NHSL1: variants seen among roughly 807,000 people sequenced by gnomAD.
NHSL1 encodes NHS like 1, also known as NHS-like protein 1.
Under a neutral mutation model 95.0 loss-of-function variants are expected in NHSL1, and 48 were observed. The observed-to-expected ratio is 0.51, with a 90% confidence interval of 0.40 to 0.64. The LOEUF (loss-of-function observed/expected upper bound fraction) is 0.64, where lower values mean the gene tolerates loss of function less well. Ranked by LOEUF, NHSL1 falls within the 30% of genes least tolerant of loss-of-function variation. The pLI is 0.00. For synonymous variants in NHSL1, 783 were observed against 833.9 expected (o/e 0.94, Z 1.05); for missense variants, 1,971 against 2,077.7 (o/e 0.95, Z 1.00).
chr6:138,647,946 T>C (rs1457713032), intron 1 of NHSL1, among the ~76,000 whole-genome samples: 3 of 152,184 alleles, frequency 2.0e-5, no homozygotes, highest in Non-Finnish European at 4.4e-5. Context: ...GTTTAAATTG[T>C]TGCCAAATTT....
chr6:138,545,640 C>G (rs1178881556), exon 1 of NHSL1: 1 of 1,289,266 alleles, frequency 7.8e-7, no homozygotes, highest in African/African-American at 1.5e-5. Context: ...ACAGAACATT[C>G]TGCAGCAGTT....
At chr6:138,512,100 T>C (rs1205544811) in intron 1 of NHSL1, among the ~76,000 whole-genome samples, 1 of 152,232 alleles carries the variant, frequency 6.6e-6, no homozygotes, top group Non-Finnish European at 1.5e-5. Context: ...CAAGTTTAAA[T>C]AAAGCTGCCA....
Position 138,431,234 on chromosome 6 carries a change from A to G in NHSL1, c.3111T>C (p.Pro1037=). 1 of 1,521,978 alleles carries G rather than the reference A, an allele frequency of 6.6e-7. No homozygotes were observed. The allele number at this position is 1,521,978 out of a possible 1,614,324, so 94.3% of individuals were successfully genotyped here. Residue 1037 remains proline, a synonymous_variant, in exon 6 of 8, where the codon CCT becomes CCC. Transcript: ENST00000343505. This position sits in a 1 kb window ranked among gnomAD's most constrained non-coding sequence, Gnocchi z 4.0. ...ATTCTGGCTGGCCAGAATTTGTGAAAGGCGGCCTGGTGTCTTTCATGAATT... is the reference window on the plus strand; with the variant it reads ...ATTCTGGCTGGCCAGAATTTGTGAAGGGCGGCCTGGTGTCTTTCATGAATT... ...DPKFMKDTRP[P]FTNSGQPESS...
chr6:138,611,236 A>G (rs1784508498), intron 1 of NHSL1, among the ~76,000 whole-genome samples: 1 of 152,224 alleles, frequency 6.6e-6, no homozygotes, highest in Admixed American at 6.5e-5. Flanking sequence ...ATAAATAGCA[A>G]TCAACAGGCA....
chr6:138,515,947 C>T (rs1781441767), intron 1 of NHSL1, among the ~76,000 whole-genome samples: 1 of 152,222 alleles, frequency 6.6e-6, no homozygotes. Context: ...CTCTCACAGT[C>T]CCAGGCAAGT....
chr6:138,635,181 G>A (rs566471762), intron 1 of NHSL1, among the ~76,000 whole-genome samples: 2 of 151,190 alleles, frequency 1.3e-5, no homozygotes, highest in African/African-American at 4.8e-5. Context: ...AATAATAAAA[G>A]ATCAGAGCAG....
In NHSL1 at chr6:138,681,865, C is replaced by A. The variant is rs139243297; in HGVS notation, c.96+10611G>T. ...AGCCCTCTGCATATTACTGATAACA[C>A]CTTTAACAATTTTTAATCATAACAG... On this transcript the variant is annotated intron_variant, in intron 1 of 3. Transcript: ENST00000491526. Among the ~76,000 whole-genome samples the A allele has an allele frequency of 7.2e-5, 11 of 152,170 alleles. No homozygotes were observed. In the East Asian group the frequency reaches 2.1e-3, roughly 29 times the overall value.
chr6:138,607,739 G>A (rs1361041657), intron 1 of NHSL1, among the ~76,000 whole-genome samples: 1 of 152,156 alleles, frequency 6.6e-6, no homozygotes, highest in East Asian at 1.9e-4. Context: ...TTCCCATGAG[G>A]CTTTGAAGTT....
chr6:138,505,819 T>A (rs756399614), intron 1 of NHSL1, among the ~76,000 whole-genome samples: 3 of 152,280 alleles, frequency 2.0e-5, no homozygotes, highest in Middle Eastern at 3.4e-3. Flanking sequence ...GGAATTTAGC[T>A]CTTCAAACAG....
rs981668354 is a variant in NHSL1, at chr6:138,423,089, C to A, written c.*992G>T. ...AAATTGCCTAATGGAAGTTTAAACTCTGGTTAAAAAAAAAAAAAAAAAAAA... is the reference window on the plus strand; with the variant it reads ...AAATTGCCTAATGGAAGTTTAAACTATGGTTAAAAAAAAAAAAAAAAAAAA... On this transcript the variant is annotated 3_prime_UTR_variant, in exon 8 of 8. Transcript: ENST00000343505. 1 of 78,896 alleles carries A rather than the reference C, an allele frequency of 1.3e-5. No homozygotes were observed. The allele number at this position is 78,896 out of a possible 1,614,324, so 4.9% of individuals were successfully genotyped here.
intron 2 of NHSL1, among the ~76,000 whole-genome samples, chr6:138,476,047 G>A (rs907055141): frequency 5.3e-5 from 8 of 152,178 alleles, no homozygotes; most frequent in Non-Finnish European, 1.5e-5. Flanking sequence ...CCATTGGTGG[G>A]AATGTATATT....
chr6:138,588,435 C>G (rs1784173696), intron 1 of NHSL1, among the ~76,000 whole-genome samples: 1 of 152,192 alleles, frequency 6.6e-6, no homozygotes, highest in Admixed American at 6.5e-5. Flanking sequence ...GCTCTCCAGT[C>G]TGGGTGACAG....
intron 1 of NHSL1, among the ~76,000 whole-genome samples, chr6:138,598,627 G>GAAAAA (rs35482505): frequency 1.3e-4 from 11 of 86,764 alleles, no homozygotes; most frequent in Non-Finnish European, 1.7e-4. Context: ...TCATCTGGAA[G>GAAAAA]AAAAAAAAAA....
intron 1 of NHSL1, among the ~76,000 whole-genome samples, chr6:138,684,595 A>C (rs1785558830): frequency 6.6e-6 from 1 of 152,172 alleles, no homozygotes; most frequent in Admixed American, 6.5e-5. Context: ...CAGTGAGCCA[A>C]GATCGCGCCA....
chr6:138,520,878 T>G (rs1416125150), intron 1 of NHSL1, among the ~76,000 whole-genome samples: 1 of 152,046 alleles, frequency 6.6e-6, no homozygotes, highest in Non-Finnish European at 1.5e-5. Context: ...CTGTTAGAAA[T>G]GAGACAAATG....
intron 1 of NHSL1, among the ~76,000 whole-genome samples, chr6:138,551,061 G>C (rs533399115): frequency 3.2e-4 from 48 of 152,324 alleles, no homozygotes; most frequent in African/African-American, 8.2e-4. Context: ...CAGAGGGAAA[G>C]AGACCACATT....
intron 1 of NHSL1, among the ~76,000 whole-genome samples, chr6:138,609,749 C>CAAAA (rs10687521): frequency 0.044 from 4,695 of 106,062 alleles, 222 homozygotes; most frequent in East Asian, 0.07. Context: ...GACTCTGTCT[C>CAAAA]AAAAAAAAAA....
At chr6:138,610,509 C>T (rs964088257) in intron 1 of NHSL1, among the ~76,000 whole-genome samples, 10 of 149,096 alleles carry the variant, frequency 6.7e-5, no homozygotes, top group Non-Finnish European at 3.0e-5. Flanking sequence ...CTGCACGTTG[C>T]GCACATGTAC....
At chr6:138,520,864 A>C (rs1781650407) in intron 1 of NHSL1, among the ~76,000 whole-genome samples, 1 of 151,874 alleles carries the variant, frequency 6.6e-6, no homozygotes, top group Non-Finnish European at 1.5e-5. Flanking sequence ...GGTGGCTTGA[A>C]CCCCTGTTAG....
Sources: gnomAD v4.1 joint callset for allele counts (sites outside exome capture counted in the v4.1 genomes callset) on GRCh38, gnomAD v4.1.1 for gene constraint, Gnocchi (gnomAD v3.1) non-coding constraint, MANE v1.5 for transcripts, NCBI Gene and HGNC (gene_info 2026-07-23, HGNC 2026-07-21) for gene names.